The following SNX12 variants were observed in gnomAD, a reference collection of about 807,000 sequenced individuals.
SNX12 encodes sorting nexin-12.
For synonymous variants in SNX12, 47 were observed against 56.0 expected, an observed-to-expected ratio of 0.84 and a Z score of 0.71; for missense variants, 62 against 141.3, an observed-to-expected ratio of 0.44 and a Z score of 2.84.
chrX:71,061,606 G>T (rs186793626), intron 3 of SNX12, among the ~76,000 whole-genome samples: 1 of 111,499 alleles, frequency 9.0e-6, no homozygotes, highest in East Asian at 2.8e-4. Flanking sequence ...GGTGGCCGGC[G>T]CCTGTAATCC....
upstream of SNX12, among the ~76,000 whole-genome samples, chrX:71,069,190 A>G (rs1307607909): frequency 1.8e-5 from 2 of 112,157 alleles, no homozygotes; most frequent in African/African-American, 6.5e-5. Context: ...GCTCCACATT[A>G]AAGGGTAGAC....
At position 71,061,930 on chromosome X, in the gene SNX12, C is replaced by T; in HGVS notation, c.299G>A (p.Arg100Gln). 1 of 1,200,379 alleles carries T rather than the reference C, an allele frequency of 8.3e-7. No individual in the cohort carries two copies. ...TTCATCTCCTCGGAAAGGGAGCTGC[C>T]GCTTCAAGGCTTTCCCAGGCAGTGG... is the stretch of plus-strand genomic sequence containing the variant. ...VPPLPGKALK[R>Q]QLPFRGDEGI... Residue 100 changes from arginine (R) to glutamine (Q), a missense_variant, in exon 3 of 4, where the codon CGG (arginine) becomes CAG (glutamine). Arg to Gln is a conservative substitution (Grantham distance 43, BLOSUM62 1). Transcript: ENST00000374274.
chrX:71,071,717 AATATATATATAAATATATATTT>A (rs1171520999), upstream of SNX12, among the ~76,000 whole-genome samples: 1 of 75,911 alleles, frequency 1.3e-5, no homozygotes, highest in Non-Finnish European at 2.3e-5. Flanking sequence ...TAGATATATA[AATATATATATAAATATATATTT>A]ATATATATAA....
At chrX:71,070,708 G>A (rs1206338274), upstream of SNX12, among the ~76,000 whole-genome samples, 1 of 111,306 alleles carries the variant, frequency 9.0e-6, no homozygotes, top group Non-Finnish European at 1.9e-5. Context: ...GAAGAGGCAA[G>A]GACAGAAGAT....
rs754463885 is a variant in SNX12, at chrX:71,059,651, T to C, written c.*1365A>G. The C allele has an allele frequency of 9.0e-6, 1 of 110,852 alleles. No individual in the cohort carries two copies. Among genetic ancestry groups the C allele is most frequent in the African/African-American group, 3.3e-5 (1 of 30,454 alleles). The allele number at this position is 110,852 out of a possible 1,213,427, so 9.1% of individuals were successfully genotyped here. A position where few individuals can be genotyped will look rare whatever the true frequency, so the allele number is the denominator to read the frequency against. On this transcript the variant is annotated 3_prime_UTR_variant, in exon 4 of 4. Coordinates refer to ENST00000374274, the MANE Select transcript of SNX12 (RefSeq NM_013346.4). The stretch of plus-strand genomic sequence containing the variant: ...TCAGCAATCCTTTTCCACAGTGCCC[T>C]GCATAGAAAACTCCAATCTTTCCAT...
At chrX:71,067,936 G>A (rs973547960) in intron 1 of SNX12, among the ~76,000 whole-genome samples, 3 of 110,324 alleles carry the variant, frequency 2.7e-5, no homozygotes, top group East Asian at 5.7e-4. Context: ...CTGCATCCCC[G>A]TCCGATGTCT....
chrX:71,067,944 T>C (rs780995031), intron 1 of SNX12, among the ~76,000 whole-genome samples, 198 bp downstream of exon 1: 1 of 110,811 alleles, frequency 9.0e-6, no homozygotes, highest in South Asian at 3.8e-4. Flanking sequence ...CCGTCCGATG[T>C]CTCCCTCAGG....
Position 71,061,880 on chromosome X carries a change from C to T in SNX12, c.349G>A (p.Glu117Lys), listed in dbSNP as rs748671122. 1.7e-6 allele frequency: 2 copies of T among 1,205,020 alleles called. No homozygotes were observed. Among genetic ancestry groups the T allele is most frequent in the Non-Finnish European group, 1.1e-6 (1 of 891,702 alleles). The part of the protein sequence containing the change: ...DEGIFEESFI[E>K]ERRQGLEQFI... The stretch of plus-strand genomic sequence containing the variant: ...TGCTCGAGGCCCTGCCTCCTTTCTT[C>T]GATGAAAGACTCCTCAAAGATCCCT... Residue 117 changes from glutamate (E) to lysine (K), a missense_variant, in exon 3 of 4, where the codon GAA (glutamate) becomes AAA (lysine). Transcript: ENST00000374274.
intron 1 of SNX12, among the ~76,000 whole-genome samples, chrX:71,066,952 T>G (rs779955017): frequency 1.8e-5 from 2 of 112,359 alleles, no homozygotes; most frequent in South Asian, 7.3e-4. Context: ...AAAGCCCAAG[T>G]AGGAGACCAC....
chrX:71,062,898 T>C lies in SNX12; in HGVS notation c.217A>G (p.Ser73Gly), dbSNP rs2092137661. ...LKESCVRRRY[S>G]DFEWLKNELE... ...TCATTTTTCAGCCACTCAAAGTCAC[T>C]GTAGCGCCGCCGTACGCAGGACTCC... Residue 73 changes from serine to glycine, a missense_variant, in exon 2 of 4, where the codon AGT (serine) becomes GGT (glycine). Coordinates refer to ENST00000374274, the MANE Select transcript of SNX12 (RefSeq NM_013346.4). 8.3e-7 allele frequency: 1 copy of C among 1,209,239 alleles called. No homozygotes were observed. Among genetic ancestry groups the C allele is most frequent in the Non-Finnish European group, 1.1e-6 (1 of 893,664 alleles).
chrX:71,066,592 A>T (rs915979511), intron 1 of SNX12, among the ~76,000 whole-genome samples: 1 of 77,108 alleles, frequency 1.3e-5, no homozygotes, highest in Non-Finnish European at 2.4e-5. Context: ...TCCATCTCTT[A>T]AAAAAAAAAA....
chrX:71,067,004 A>C (rs1329618287), intron 1 of SNX12, among the ~76,000 whole-genome samples: 2 of 112,492 alleles, frequency 1.8e-5, no homozygotes, highest in African/African-American at 3.2e-5. Flanking sequence ...GAAAGCACAT[A>C]CACTCTTTTA....
At chrX:71,061,796 C>T in intron 3 of SNX12, 47 bp downstream of exon 3, 2 of 1,148,378 alleles carry the variant, frequency 1.7e-6, no homozygotes, top group Non-Finnish European at 2.4e-6. Context: ...TATAGAAAGA[C>T]TACGATGGCA....
upstream of SNX12, among the ~76,000 whole-genome samples, chrX:71,071,579 TATA>T (rs2092172825): frequency 2.0e-5 from 1 of 49,025 alleles, no homozygotes; most frequent in Non-Finnish European, 2.9e-5. Context: ...ATATTATATA[TATA>T]AATATATAAT....
intron 1 of SNX12, among the ~76,000 whole-genome samples, chrX:71,067,553 A>G (rs1463486485): frequency 8.9e-6 from 1 of 111,889 alleles, no homozygotes; most frequent in Non-Finnish European, 1.9e-5. Flanking sequence ...GATCCGACAC[A>G]AGTTAGGAAA....
chrX:71,062,953 C>T lies in SNX12; in HGVS notation c.166-4G>A. On this transcript the variant is annotated splice_region_variant and splice_polypyrimidine_tract_variant and intron_variant, in intron 1 of 3. Coordinates refer to ENST00000374274, the MANE Select transcript of SNX12 (RefSeq NM_013346.4). ...GCTTGAAGATAGGTAGGTTTGTCTA[C>T]ATGGAAGGAAAAATTAAAGAAGAAA... The T allele has an allele frequency of 8.7e-7, 1 of 1,153,595 alleles. No homozygotes were observed. The highest frequency in any genetic ancestry group is 1.2e-6 in the Non-Finnish European group (1 of 845,588).
chrX:71,068,480 C>T, upstream of SNX12: 2 of 334,045 alleles, frequency 6.0e-6, no homozygotes, highest in Non-Finnish European at 1.0e-5. Context: ...GCCCCGGGCT[C>T]TGAATAGCGG....
At chrX:71,061,172 C>T in intron 3 of SNX12, 54 bp from the exon 4 acceptor site, 1 of 1,008,785 alleles carries the variant, frequency 9.9e-7, no homozygotes, top group South Asian at 2.0e-5. Flanking sequence ...AGAGAATTAG[C>T]AGAGGGATGG....
chrX:71,069,968 AAG>A (rs57691567), upstream of SNX12, among the ~76,000 whole-genome samples: 19,817 of 96,170 alleles, frequency 0.21, 1,492 homozygotes, highest in African/African-American at 0.26. Context: ...AGGAAAAGAA[AAG>A]AGAGAGAGAG....
Sources: allele counts gnomAD v4.1 joint callset (sites outside exome capture counted in the v4.1 genomes callset), GRCh38; gene constraint gnomAD v4.1.1; transcripts MANE v1.5; gene names NCBI Gene and HGNC (gene_info 2026-07-23, HGNC 2026-07-21).